Variants in KDM4C observed in about 807,000 individuals in gnomAD.
KDM4C encodes the protein lysine-specific demethylase 4C.
In KDM4C, 81 loss-of-function variants were observed where a neutral mutation model predicts 129.3. The ratio of observed to expected loss-of-function variants is 0.63; its 90% CI spans 0.52 to 0.75. KDM4C has a LOEUF of 0.75. Ranked by LOEUF, KDM4C falls within the 30% of genes least tolerant of loss-of-function variation. The pLI is 0.00. For synonymous variants in KDM4C, 573 were observed against 456.1 expected (o/e 1.26, Z -3.26); for missense variants, 1,457 against 1,304.0 (o/e 1.12, Z -1.81).
At chr9:7,007,618 A>G (rs1821915632) in intron 12 of KDM4C, among the ~76,000 whole-genome samples, 1 of 152,208 alleles carries the variant, frequency 6.6e-6, no homozygotes, top group Admixed American at 6.5e-5. Flanking sequence ...ACTCTTTGAT[A>G]CTAACACTTT....
intron 15 of KDM4C, among the ~76,000 whole-genome samples, chr9:7,038,901 T>C (rs1828096926): frequency 6.6e-6 from 1 of 152,078 alleles, no homozygotes; most frequent in African/African-American, 2.4e-5. Flanking sequence ...TGAAGAGCCA[T>C]TGAACTTTTT....
Position 7,128,026 on chromosome 9 carries a change from TCTTA to T in KDM4C, c.2611-36_2611-33del, listed in dbSNP as rs781152990. 8.1e-6 allele frequency: 11 copies of T among 1,353,252 alleles called. No homozygotes were observed. In the Middle Eastern group the frequency reaches 5.8e-4, roughly 72 times the overall value. 83.8% of individuals were successfully genotyped at this position (1,353,252 alleles called of 1,614,324 possible). A position where few individuals can be genotyped will look rare whatever the true frequency, so the allele number is the denominator to read the frequency against. On this transcript the variant is annotated intron_variant, in intron 18 of 21. Transcript: ENST00000381309. ...TTTTACGTCCTTTCTTTTCCTGTTC[TCTTA>T]CTTCTTTTCTTCCTTTTTTGTGTCC...
At chr9:6,731,160 T>C (rs66945367) in intron 1 of KDM4C, among the ~76,000 whole-genome samples, 13,096 of 152,096 alleles carry the variant, frequency 0.086, 737 homozygotes, top group Non-Finnish European at 0.12. Context: ...ACTGTGGGCT[T>C]TGCAAGGTGG....
intron 14 of KDM4C, 77 bp downstream of exon 14, chr9:7,014,078 C>A (rs566944112): frequency 2.6e-6 from 3 of 1,135,534 alleles, no homozygotes; most frequent in South Asian, 2.8e-5. Context: ...TTTTTGGAAC[C>A]TGTCAGATCT....
intron 17 of KDM4C, among the ~76,000 whole-genome samples, chr9:7,052,965 G>A (rs73403535): frequency 0.057 from 7,177 of 125,882 alleles, 187 homozygotes; most frequent in South Asian, 0.1. Flanking sequence ...CATTCAAAGT[G>A]TTGAATTCCA....
rs550681160 is a variant in KDM4C, at chr9:6,876,908, A to T, written c.630-3104A>T. ...GGAAAAACATAAAAAAGCTTCGCATACACAAATCTATCATCCGACATCAGG... is the reference window on the plus strand; with the variant it reads ...GGAAAAACATAAAAAAGCTTCGCATTCACAAATCTATCATCCGACATCAGG... On this transcript the variant is annotated intron_variant, in intron 5 of 21. Transcript: ENST00000381309. Among the ~76,000 whole-genome samples the T allele has an allele frequency of 7.9e-5, 12 of 152,342 alleles. 1 individual carries two copies. In the South Asian group the frequency reaches 2.3e-3, roughly 29 times the overall value.
At chr9:7,056,347 G>GT (rs1830863163) in intron 17 of KDM4C, among the ~76,000 whole-genome samples, 2 of 85,988 alleles carry the variant, frequency 2.3e-5, no homozygotes, top group Non-Finnish European at 5.2e-5. Context: ...AATAAGTGTA[G>GT]TGCAAAAAAA....
intron 8 of KDM4C, among the ~76,000 whole-genome samples, chr9:6,915,318 AG>A (rs1225185925): frequency 6.6e-6 from 1 of 152,070 alleles, no homozygotes; most frequent in African/African-American, 2.4e-5. Context: ...ATTTCCTGTG[AG>A]GGGTTTAGGG....
chr9:6,836,471 C>G (rs998568392), intron 4 of KDM4C, among the ~76,000 whole-genome samples: 2 of 152,064 alleles, frequency 1.3e-5, no homozygotes, highest in African/African-American at 2.4e-5. Flanking sequence ...TTGAATATCC[C>G]AAACTCACCA....
chr9:7,007,320 C>T (rs1471201630), intron 12 of KDM4C, among the ~76,000 whole-genome samples: 1 of 151,586 alleles, frequency 6.6e-6, no homozygotes, highest in Non-Finnish European at 1.5e-5. Flanking sequence ...AAATCTTAGT[C>T]TAGGAGTACG....
chr9:6,984,434 A>G (rs368617209), intron 10 of KDM4C, 30 bp downstream of exon 10: 299 of 1,419,382 alleles, frequency 2.1e-4, no homozygotes, highest in Non-Finnish European at 2.8e-4. Flanking sequence ...GGTTTCACAT[A>G]TAAGTAGTAG....
intron 1 of KDM4C, among the ~76,000 whole-genome samples, chr9:6,761,562 C>G (rs750338975): frequency 1.3e-5 from 2 of 151,956 alleles, no homozygotes; most frequent in African/African-American, 4.8e-5. Flanking sequence ...TCAAGCAGTC[C>G]GCTTGCCCCA....
intron 15 of KDM4C, among the ~76,000 whole-genome samples, chr9:7,032,598 C>G (rs895222047): frequency 3.3e-5 from 5 of 152,192 alleles, no homozygotes; most frequent in African/African-American, 1.2e-4. Context: ...CTAAGGAATT[C>G]TTCGTCTATC....
chr9:6,752,124 G>C (rs1271662730), intron 1 of KDM4C, among the ~76,000 whole-genome samples: 1 of 150,252 alleles, frequency 6.7e-6, no homozygotes, highest in African/African-American at 2.5e-5. Flanking sequence ...ACGAGGTCAG[G>C]AGATCGAGAC....
intron 5 of KDM4C, among the ~76,000 whole-genome samples, chr9:6,857,847 C>A: frequency 6.6e-6 from 1 of 150,674 alleles, no homozygotes; most frequent in South Asian, 2.1e-4. Context: ...CTCTGCCTCC[C>A]GGGCTCAAGC....
chr9:7,077,187 G>T (rs1380123425), intron 17 of KDM4C: 51 of 985,260 alleles, frequency 5.2e-5, no homozygotes, highest in Non-Finnish European at 6.0e-5. Flanking sequence ...TATCACACAT[G>T]CTGTGGGAAG....
At chr9:7,073,487 C>G (rs1364186620) in intron 17 of KDM4C, among the ~76,000 whole-genome samples, 2 of 152,208 alleles carry the variant, frequency 1.3e-5, no homozygotes, top group East Asian at 1.9e-4. Flanking sequence ...CTATACTCAC[C>G]TTTGTGGTGG....
intron 8 of KDM4C, among the ~76,000 whole-genome samples, chr9:6,952,428 T>TATA (rs1554663114): frequency 2.1e-5 from 3 of 145,586 alleles, no homozygotes; most frequent in East Asian, 2.1e-4. Context: ...TATATATATA[T>TATA]ATAATAATAA....
chr9:6,976,634 C>G (rs773308824), intron 8 of KDM4C, among the ~76,000 whole-genome samples: 13 of 152,114 alleles, frequency 8.5e-5, no homozygotes, highest in Non-Finnish European at 1.6e-4. Flanking sequence ...TGCTGTAGTT[C>G]TGATCTAATG....
Sources: allele counts gnomAD v4.1 joint callset (sites outside exome capture counted in the v4.1 genomes callset), GRCh38; gene constraint gnomAD v4.1.1; transcripts MANE v1.5; gene names NCBI Gene and HGNC (gene_info 2026-07-23, HGNC 2026-07-21).